The following BMAL2 variants were observed in gnomAD, a reference collection of about 807,000 sequenced individuals.
BMAL2 encodes basic helix-loop-helix ARNT-like protein 2.
At chr12:27,401,541 A>G in the BMAL2 span, 1 of 1,600,360 alleles carries the variant, frequency 6.2e-7, no homozygotes, top group Non-Finnish European at 8.5e-7. Context: ...GAGTAAGGAG[A>G]AAATACTTAC....
At chr12:27,381,785 A>G in the BMAL2 span, among the ~76,000 whole-genome samples, 2 of 152,196 alleles carry the variant, frequency 1.3e-5, no homozygotes, top group African/African-American at 4.8e-5. Flanking sequence ...CACTGAAAAG[A>G]TAAGACCTGG....
At chr12:27,405,188 C>T in the BMAL2 span, among the ~76,000 whole-genome samples, 1 of 152,208 alleles carries the variant, frequency 6.6e-6, no homozygotes. Context: ...CATAGCCAAA[C>T]AAAAGGCAGC....
At chr12:27,352,125 G>A in the BMAL2 span, among the ~76,000 whole-genome samples, 3 of 152,208 alleles carry the variant, frequency 2.0e-5, no homozygotes, top group Middle Eastern at 3.4e-3. Context: ...AACAGTCTTT[G>A]TGTATATCTT....
At chr12:27,411,867 T>C in the BMAL2 span, among the ~76,000 whole-genome samples, 1 of 152,232 alleles carries the variant, frequency 6.6e-6, no homozygotes, top group East Asian at 1.9e-4. Flanking sequence ...AATTTATTTA[T>C]TTATTTTCAT....
the BMAL2 span, among the ~76,000 whole-genome samples, chr12:27,361,010 A>AT: frequency 1.3e-5 from 2 of 152,222 alleles, no homozygotes; most frequent in African/African-American, 4.8e-5. Context: ...ATTTTAAGAT[A>AT]TAGCACACTA....
chr12:27,413,794 G>T, the BMAL2 span, among the ~76,000 whole-genome samples: 1 of 152,282 alleles, frequency 6.6e-6, no homozygotes, highest in South Asian at 2.1e-4. Flanking sequence ...AAAGTGAAGG[G>T]ATGGAAAAAG....
the BMAL2 span, among the ~76,000 whole-genome samples, chr12:27,396,663 CA>C: frequency 6.6e-6 from 1 of 152,340 alleles, no homozygotes; most frequent in East Asian, 1.9e-4. Context: ...CAAGCTGGGC[CA>C]CACAGATGCT....
chr12:27,354,299 A>C, the BMAL2 span, among the ~76,000 whole-genome samples: 1 of 152,170 alleles, frequency 6.6e-6, no homozygotes, highest in Non-Finnish European at 1.5e-5. Context: ...TTATTATCCT[A>C]GGCAAATTAA....
the BMAL2 span, among the ~76,000 whole-genome samples, chr12:27,346,542 C>T: frequency 8.5e-4 from 130 of 152,302 alleles, no homozygotes; most frequent in Admixed American, 6.9e-3. Flanking sequence ...GGATTACAGG[C>T]GTGAGCCACC....
the BMAL2 span, chr12:27,421,666 A>G: frequency 1.3e-5 from 2 of 152,178 alleles, no homozygotes; most frequent in African/African-American, 4.8e-5. Flanking sequence ...GAAGATCTCT[A>G]TTATAGATAG....
the BMAL2 span, among the ~76,000 whole-genome samples, chr12:27,355,662 A>G: frequency 6.6e-6 from 1 of 152,196 alleles, no homozygotes; most frequent in African/African-American, 2.4e-5. Context: ...TCTCTGCTTC[A>G]GTTCTCCAGC....
At chr12:27,406,430 G>A in the BMAL2 span, among the ~76,000 whole-genome samples, 1 of 152,166 alleles carries the variant, frequency 6.6e-6, no homozygotes, top group African/African-American at 2.4e-5. Flanking sequence ...GAGAGTGGGG[G>A]CCAATATTCA....
At chr12:27,382,295 T>C in the BMAL2 span, among the ~76,000 whole-genome samples, 1 of 152,214 alleles carries the variant, frequency 6.6e-6, no homozygotes, top group Non-Finnish European at 1.5e-5. Context: ...ATCAGTCGAC[T>C]AGTTCAACAA....
the BMAL2 span, among the ~76,000 whole-genome samples, chr12:27,409,521 C>T: frequency 6.6e-6 from 1 of 152,160 alleles, no homozygotes; most frequent in Non-Finnish European, 1.5e-5. Context: ...ATAAATGGTG[C>T]TGGGAAAACT....
the BMAL2 span, among the ~76,000 whole-genome samples, chr12:27,384,116 T>A: frequency 6.6e-6 from 1 of 152,130 alleles, no homozygotes; most frequent in East Asian, 1.9e-4. Flanking sequence ...GAAGGGAAAA[T>A]TGACTTACTT....
chr12:27,409,185 A>T, the BMAL2 span, among the ~76,000 whole-genome samples: 6 of 152,178 alleles, frequency 3.9e-5, no homozygotes, highest in African/African-American at 1.4e-4. Context: ...TAATTTATAG[A>T]TTCAATGCCA....
At chr12:27,396,160 C>A in the BMAL2 span, among the ~76,000 whole-genome samples, 1 of 152,184 alleles carries the variant, frequency 6.6e-6, no homozygotes, top group African/African-American at 2.4e-5. Flanking sequence ...AATTTTGTTA[C>A]GACAACCTGA....
the BMAL2 span, chr12:27,420,359 C>A: frequency 6.2e-7 from 1 of 1,609,398 alleles, no homozygotes; most frequent in South Asian, 1.1e-5. Context: ...CTTTACTGAT[C>A]ACCTTTACTT....
At chr12:27,390,038 C>T in the BMAL2 span, 1 of 1,581,110 alleles carries the variant, frequency 6.3e-7, no homozygotes. Flanking sequence ...AGATAAATTT[C>T]AAAATTATTT....
Sources: allele counts gnomAD v4.1 joint callset (sites outside exome capture counted in the v4.1 genomes callset), GRCh38; gene constraint gnomAD v4.1.1; transcripts MANE v1.5; gene names NCBI Gene and HGNC (gene_info 2026-07-23, HGNC 2026-07-21).